The following SEMA3E variants were observed in gnomAD, a reference collection of about 807,000 sequenced individuals.
The protein encoded by SEMA3E is semaphorin 3E, also known as semaphorin-3E.
In SEMA3E, 49 loss-of-function variants were observed where a neutral mutation model predicts 93.6. The ratio of observed to expected loss-of-function variants is 0.52; its 90% CI spans 0.42 to 0.66. SEMA3E has a LOEUF of 0.66. Among genes scored for constraint, SEMA3E ranks in the 30% least tolerant of loss-of-function variants. The probability of loss-of-function intolerance (pLI) is 0.00; values close to 1 mark genes in which losing one functional copy is unlikely to be tolerated. For synonymous variants in SEMA3E, 363 were observed against 330.7 expected, an observed-to-expected ratio of 1.10 and a Z score of -1.06; for missense variants, 906 against 964.8, an observed-to-expected ratio of 0.94 and a Z score of 0.81.
At chr7:83,508,277 T>C (rs1001772171) in intron 1 of SEMA3E, among the ~76,000 whole-genome samples, 33 of 151,932 alleles carry the variant, frequency 2.2e-4, no homozygotes, top group Middle Eastern at 3.4e-3. Flanking sequence ...TTTTTTTTTT[T>C]TGAAGATGGA....
At chr7:83,477,831 G>T (rs1426650193) in intron 2 of SEMA3E, among the ~76,000 whole-genome samples, 2 of 151,670 alleles carry the variant, frequency 1.3e-5, no homozygotes, top group African/African-American at 2.4e-5. Flanking sequence ...CAATAAAGTT[G>T]AATAAATGAG....
At chr7:83,518,114 G>T (rs1461717607) in intron 1 of SEMA3E, among the ~76,000 whole-genome samples, 1 of 141,358 alleles carries the variant, frequency 7.1e-6, no homozygotes, top group Non-Finnish European at 1.5e-5. Flanking sequence ...CTTCATGAAA[G>T]AAAAGTATGG....
At chr7:83,395,677 T>C (rs914467290) in intron 12 of SEMA3E, among the ~76,000 whole-genome samples, 1 of 152,164 alleles carries the variant, frequency 6.6e-6, no homozygotes, top group African/African-American at 2.4e-5. Flanking sequence ...TTTTTGTTGA[T>C]GTTTTGTTTT....
chr7:83,590,600 T>C (rs1335934839), intron 1 of SEMA3E, among the ~76,000 whole-genome samples: 1 of 152,160 alleles, frequency 6.6e-6, no homozygotes, highest in Admixed American at 6.6e-5. Context: ...TGTGATGTAA[T>C]TCTGCCCAAT....
intron 1 of SEMA3E, among the ~76,000 whole-genome samples, chr7:83,556,382 T>C (rs1222573958): frequency 6.6e-6 from 1 of 152,192 alleles, no homozygotes; most frequent in Admixed American, 6.5e-5. Context: ...TCAATAGCTA[T>C]ATATGGAGCC....
chr7:83,424,615 G>A lies in SEMA3E; in HGVS notation c.457-6132C>T, dbSNP rs115114970. ...TTGTTTCCACAACAGGCATAATAAC[G>A]GAGCCTCAAAGATGTCATTGTCATA... On this transcript the variant is annotated intron_variant, in intron 4 of 16. Transcript: ENST00000643230. 4.2e-3 allele frequency among the ~76,000 whole-genome samples: 634 copies of A among 152,096 alleles called. 7 individuals carry two copies. The highest frequency in any genetic ancestry group is 0.014 in the African/African-American group (595 of 41,486).
At chr7:83,436,631 G>A (rs1407297087) in intron 4 of SEMA3E, among the ~76,000 whole-genome samples, 1 of 151,928 alleles carries the variant, frequency 6.6e-6, no homozygotes, top group Non-Finnish European at 1.5e-5. Context: ...CATGATATAA[G>A]CAAGTATACA....
rs777641292 is a variant in SEMA3E, at chr7:83,367,584, CATCAG to C, written c.2325_*1del. 6.2e-7 allele frequency: 1 copy of C among 1,613,818 alleles called. No individual in the cohort carries two copies. On this transcript the variant is annotated stop_lost and 3_prime_UTR_variant, in exon 17 of 17. Transcript: ENST00000643230. ...CAAAAGACAGTAGATAGTCTCACCC[CATCAG>C]GAGTCCAGCGTGTGCCTGGGCAGGC...
At chr7:83,614,323 C>T (rs1439074838) in intron 1 of SEMA3E, among the ~76,000 whole-genome samples, 1 of 152,024 alleles carries the variant, frequency 6.6e-6, no homozygotes, top group Non-Finnish European at 1.5e-5. Flanking sequence ...AGTAGTTTTC[C>T]CGTTCAAATA....
At chr7:83,536,758 G>A (rs1461914498) in intron 1 of SEMA3E, among the ~76,000 whole-genome samples, 2 of 151,994 alleles carry the variant, frequency 1.3e-5, no homozygotes, top group African/African-American at 4.8e-5. Context: ...TGACCTCATT[G>A]GCATCTTGGC....
chr7:83,410,796 G>A (rs3109789), intron 5 of SEMA3E, among the ~76,000 whole-genome samples: 76,879 of 151,756 alleles, frequency 0.51, 22,335 homozygotes, highest in East Asian at 0.85. Context: ...ACACATGAGT[G>A]AGGATTTCTC....
chr7:83,514,498 G>A (rs886114809), intron 1 of SEMA3E, among the ~76,000 whole-genome samples: 1 of 151,914 alleles, frequency 6.6e-6, no homozygotes, highest in African/African-American at 2.4e-5. Context: ...TTTCAATATT[G>A]CTGTAATTTT....
chr7:83,618,266 C>G (rs886778796), intron 1 of SEMA3E, among the ~76,000 whole-genome samples: 1 of 151,942 alleles, frequency 6.6e-6, no homozygotes, highest in Non-Finnish European at 1.5e-5. Flanking sequence ...GTAATTAACC[C>G]AAAATCACAC....
At chr7:83,532,296 A>G (rs1237834214) in intron 1 of SEMA3E, among the ~76,000 whole-genome samples, 2 of 152,212 alleles carry the variant, frequency 1.3e-5, no homozygotes, top group Non-Finnish European at 2.9e-5. Flanking sequence ...TAGGAAATCC[A>G]TACTCCACTG....
At chr7:83,431,316 G>A (rs1307671386) in intron 4 of SEMA3E, among the ~76,000 whole-genome samples, 1 of 151,266 alleles carries the variant, frequency 6.6e-6, no homozygotes, top group Non-Finnish European at 1.5e-5. Context: ...TTAATGTAGG[G>A]TTAAATTTCT....
chr7:83,384,551 G>C (rs910346807), intron 16 of SEMA3E, among the ~76,000 whole-genome samples: 1 of 151,658 alleles, frequency 6.6e-6, no homozygotes, highest in Non-Finnish European at 1.5e-5. Context: ...TGAGTTCAAA[G>C]CCTACATCAC....
chr7:83,494,840 AG>A (rs1790456369), intron 1 of SEMA3E, among the ~76,000 whole-genome samples: 1 of 151,982 alleles, frequency 6.6e-6, no homozygotes, highest in Non-Finnish European at 1.5e-5. Context: ...CAAATTCTCA[AG>A]GGAAATAATG....
At chr7:83,408,313 T>C (rs1788365112) in intron 6 of SEMA3E, 55 bp downstream of exon 6, 1 of 1,608,694 alleles carries the variant, frequency 6.2e-7, no homozygotes, top group Non-Finnish European at 8.5e-7. Context: ...ACATTTTCCG[T>C]AAGTTTTAGA....
At chr7:83,530,097 T>A (rs1239231001) in intron 1 of SEMA3E, among the ~76,000 whole-genome samples, 1 of 152,160 alleles carries the variant, frequency 6.6e-6, no homozygotes, top group African/African-American at 2.4e-5. Context: ...AGAGAATCAT[T>A]GATGAGAAGG....
Sources: gnomAD v4.1 joint callset for allele counts (sites outside exome capture counted in the v4.1 genomes callset) on GRCh38, gnomAD v4.1.1 for gene constraint, MANE v1.5 for transcripts, NCBI Gene and HGNC (gene_info 2026-07-23, HGNC 2026-07-21) for gene names.